Variants in BICD1 observed in about 807,000 individuals in gnomAD.
BICD1 encodes the protein protein bicaudal D homolog 1.
A neutral mutation model predicts 92.5 loss-of-function variants in BICD1; 35 were observed. The ratio of observed to expected loss-of-function variants is 0.38; its 90% confidence interval spans 0.29 to 0.50. The LOEUF is 0.50. Among genes scored for constraint, BICD1 ranks in the 20% least tolerant of loss-of-function variants. BICD1 has a pLI of 0.93. For missense variants in BICD1, 950 were observed against 1,189.8 expected, an observed-to-expected ratio of 0.80 and a Z score of 2.97; for synonymous variants, 429 against 465.1, an observed-to-expected ratio of 0.92 and a Z score of 1.00.
chr12:32,133,875 G>A (rs775583412), intron 1 of BICD1, among the ~76,000 whole-genome samples: 5 of 150,152 alleles, frequency 3.3e-5, no homozygotes, highest in East Asian at 2.0e-4. Context: ...TCCGCCTCCC[G>A]GGTTCACGCC....
chr12:32,295,329 A>G (rs1947838162), intron 3 of BICD1, among the ~76,000 whole-genome samples: 2 of 152,124 alleles, frequency 1.3e-5, no homozygotes, highest in African/African-American at 4.8e-5. Context: ...GGTGAATTGG[A>G]TGTTCGAGTT....
At chr12:32,172,900 C>T (rs571918076) in intron 1 of BICD1, among the ~76,000 whole-genome samples, 17 of 152,316 alleles carry the variant, frequency 1.1e-4, no homozygotes, top group South Asian at 8.3e-4. Context: ...TATTCTCTTT[C>T]GGCATTTTTC....
Position 32,116,510 on chromosome 12 carries a change from C to CTATATATATATA in BICD1, c.213+8974_213+8985dup, listed in dbSNP as rs370907481. On this transcript the variant is annotated intron_variant, in intron 1 of 9. Coordinates refer to ENST00000652176, the MANE Select transcript of BICD1 (RefSeq NM_001714.4). ...TCTCTCTTTCTCTCTCTCTCTCTCT[C>CTATATATATATA]TATATATATATATATATATGTAATT... is the stretch of plus-strand genomic sequence containing the variant. Among the ~76,000 whole-genome samples the CTATATATATATA allele has an allele frequency of 4.1e-4, 43 of 104,372 alleles. No individual in the cohort carries two copies. In the East Asian group the frequency reaches 4.2e-3, roughly 10 times the overall value. The allele number at this position is 104,372 out of a possible 152,430, so 68.5% of individuals were successfully genotyped here.
intron 1 of BICD1, among the ~76,000 whole-genome samples, chr12:32,173,292 C>T (rs754546852): frequency 1.5e-4 from 23 of 152,098 alleles, no homozygotes; most frequent in Non-Finnish European, 3.1e-4. Context: ...TCAGGCAATC[C>T]GCCCGCCTCG....
chr12:32,167,443 G>T (rs960165425), intron 1 of BICD1, among the ~76,000 whole-genome samples: 4 of 151,990 alleles, frequency 2.6e-5, no homozygotes, highest in Non-Finnish European at 5.9e-5. Context: ...CTGGGAAGTG[G>T]CTGAGAATCA....
At chr12:32,226,715 C>T (rs1945707329) in intron 2 of BICD1, among the ~76,000 whole-genome samples, 1 of 152,188 alleles carries the variant, frequency 6.6e-6, no homozygotes, top group African/African-American at 2.4e-5. Context: ...ATGGGACAGA[C>T]ATGCATTCTC....
rs61926928 is a variant in BICD1, at chr12:32,174,494, C to T, written c.214-41753C>T. 3.6e-3 allele frequency among the ~76,000 whole-genome samples: 549 copies of T among 150,842 alleles called. 3 individuals are homozygous for T. Among genetic ancestry groups the T allele is most frequent in the Non-Finnish European group, 6.3e-3 (426 of 67,974 alleles). ...CTCCAGCCTGGGCCACAGAGCAAGA[C>T]CCTGTCTCCAAAAAAAAAAGAGAAA... On this transcript the variant is annotated intron_variant, in intron 1 of 9. Coordinates refer to ENST00000652176, the MANE Select transcript of BICD1 (RefSeq NM_001714.4).
At position 32,121,000 on chromosome 12, in the gene BICD1, G is replaced by T. The variant is rs1330962114; in HGVS notation, c.213+13456G>T. ...TTTTTTTTTTTTGAGACGGAGTCTC[G>T]CGCTATTGCCCAGGCTGGAGTGCAG... On this transcript the variant is annotated intron_variant, in intron 1 of 9. Coordinates refer to ENST00000652176, the MANE Select transcript of BICD1 (RefSeq NM_001714.4). Among the ~76,000 whole-genome samples the T allele has an allele frequency of 3.1e-5, 4 of 130,344 alleles. No individual in the cohort carries two copies. The Admixed American group carries it at 3.7e-4, about 12-fold the overall frequency. 85.5% of individuals were successfully genotyped at this position (130,344 alleles called of 152,430 possible).
At chr12:32,158,007 A>C (rs1592389831) in intron 1 of BICD1, among the ~76,000 whole-genome samples, 1 of 152,172 alleles carries the variant, frequency 6.6e-6, no homozygotes, top group South Asian at 2.1e-4. Flanking sequence ...AGTTTTCTTA[A>C]GAATTAAATG....
intron 1 of BICD1, among the ~76,000 whole-genome samples, chr12:32,121,995 T>G (rs1942170652): frequency 6.6e-6 from 1 of 152,062 alleles, no homozygotes; most frequent in Non-Finnish European, 1.5e-5. Flanking sequence ...TTTGTATTTT[T>G]TGTAGAGACA....
intron 3 of BICD1, among the ~76,000 whole-genome samples, chr12:32,301,064 G>T (rs903808199): frequency 2.6e-5 from 4 of 152,098 alleles, no homozygotes; most frequent in Non-Finnish European, 5.9e-5. Flanking sequence ...GGCAATCCTT[G>T]CTTCTCCTTT....
At chr12:32,348,595 T>C (rs1387349154) in intron 8 of BICD1, among the ~76,000 whole-genome samples, 2 of 151,738 alleles carry the variant, frequency 1.3e-5, no homozygotes, top group African/African-American at 4.8e-5. Context: ...GGTGGCTGTT[T>C]CCGGAGGAGT....
chr12:32,122,606 A>G (rs1252170958), intron 1 of BICD1, among the ~76,000 whole-genome samples: 1 of 152,248 alleles, frequency 6.6e-6, no homozygotes, highest in African/African-American at 2.4e-5. Flanking sequence ...ATCAGGTGCT[A>G]TTTTTCATTG....
chr12:32,312,671 A>G (rs760030172), intron 4 of BICD1, among the ~76,000 whole-genome samples: 3 of 152,192 alleles, frequency 2.0e-5, no homozygotes, highest in African/African-American at 7.2e-5. Flanking sequence ...AAATACAGGA[A>G]TATTTTAAAC....
intron 8 of BICD1, among the ~76,000 whole-genome samples, chr12:32,346,533 C>CGTGT (rs1163027090): frequency 4.0e-5 from 1 of 25,200 alleles, no homozygotes; most frequent in Non-Finnish European, 1.1e-4. Context: ...TATATATATA[C>CGTGT]GTGTATATAT....
chr12:32,322,477 A>G (rs1162483162), intron 4 of BICD1, among the ~76,000 whole-genome samples: 1 of 151,994 alleles, frequency 6.6e-6, no homozygotes, highest in Non-Finnish European at 1.5e-5. Flanking sequence ...TAGGGTTCGC[A>G]CTCCTATGGC....
At chr12:32,130,270 C>T (rs1942494794) in intron 1 of BICD1, among the ~76,000 whole-genome samples, 1 of 151,020 alleles carries the variant, frequency 6.6e-6, no homozygotes, top group South Asian at 2.1e-4. Flanking sequence ...ACTGGGCAAT[C>T]TCGGCTCACT....
chr12:32,156,091 C>T (rs1943428658), intron 1 of BICD1, among the ~76,000 whole-genome samples: 1 of 152,256 alleles, frequency 6.6e-6, no homozygotes, highest in Non-Finnish European at 1.5e-5. Flanking sequence ...TATTCCCCAA[C>T]AGCTGGAAAT....
chr12:32,220,114 A>G (rs967311596), intron 2 of BICD1, among the ~76,000 whole-genome samples: 2 of 152,204 alleles, frequency 1.3e-5, no homozygotes, highest in African/African-American at 4.8e-5. Flanking sequence ...AAAGACTTAA[A>G]CGTTAGACCT....
Sources: gnomAD v4.1 joint callset for allele counts (sites outside exome capture counted in the v4.1 genomes callset) on GRCh38, gnomAD v4.1.1 for gene constraint, MANE v1.5 for transcripts, NCBI Gene and HGNC (gene_info 2026-07-23, HGNC 2026-07-21) for gene names.